NEDD9: variants seen among roughly 807,000 people sequenced by gnomAD.
NEDD9 encodes enhancer of filamentation 1.
A neutral mutation model predicts 76.6 loss-of-function variants in NEDD9; 26 were observed. The observed-to-expected ratio is 0.34, with a 90% CI of 0.25 to 0.47. The LOEUF (loss-of-function observed/expected upper bound fraction) is 0.47, where lower values mean the gene tolerates loss of function less well. Among genes scored for constraint, NEDD9 ranks in the 20% least tolerant of loss-of-function variants. The probability of loss-of-function intolerance (pLI) is 1.00; values close to 1 mark genes in which losing one functional copy is unlikely to be tolerated. For missense variants in NEDD9, 937 were observed against 1,058.5 expected (o/e 0.89, Z 1.59); for synonymous variants, 392 against 414.2 (o/e 0.95, Z 0.65).
intron 3 of NEDD9, among the ~76,000 whole-genome samples, chr6:11,304,161 C>T (rs982249685): frequency 5.3e-5 from 8 of 152,200 alleles, no homozygotes; most frequent in Non-Finnish European, 1.2e-4. Flanking sequence ...TATGAACAGA[C>T]ACTTCTCAAA....
Position 11,327,694 on chromosome 6 carries a change from G to A in NEDD9, c.-153+6807C>T, listed in dbSNP as rs996400918. ...GGCCTGCTGGAAGTCAGAAGCTGCCGTCCATTAATGTGGGTCCAGCAAGAG... is the reference window on the plus strand; with the variant it reads ...GGCCTGCTGGAAGTCAGAAGCTGCCATCCATTAATGTGGGTCCAGCAAGAG... On this transcript the variant is annotated intron_variant, in intron 2 of 3. Transcript: ENST00000397378. Among the ~76,000 whole-genome samples the A allele has an allele frequency of 3.9e-5, 6 of 152,384 alleles. No homozygotes were observed. The South Asian group carries it at 6.2e-4, about 16-fold the overall frequency.
intron 3 of NEDD9, among the ~76,000 whole-genome samples, chr6:11,279,830 C>T (rs1760498143): frequency 6.6e-6 from 1 of 152,190 alleles, no homozygotes; most frequent in Non-Finnish European, 1.5e-5. Context: ...TTATTCCTTC[C>T]CTCCAGTTCT....
At chr6:11,303,106 T>C (rs1293438618) in intron 3 of NEDD9, among the ~76,000 whole-genome samples, 1 of 152,192 alleles carries the variant, frequency 6.6e-6, no homozygotes, top group Non-Finnish European at 1.5e-5. Flanking sequence ...TGATTGTATA[T>C]TTAGAAAACC....
intron 1 of NEDD9, among the ~76,000 whole-genome samples, chr6:11,221,007 G>C (rs1024327365): frequency 6.6e-6 from 1 of 152,152 alleles, no homozygotes; most frequent in African/African-American, 2.4e-5. Context: ...CCTGGCCCAC[G>C]GTGGAAGATG....
intron 1 of NEDD9, among the ~76,000 whole-genome samples, chr6:11,354,668 T>C (rs1308044807): frequency 6.6e-6 from 1 of 152,208 alleles, no homozygotes; most frequent in East Asian, 1.9e-4. Flanking sequence ...GAACCATCTT[T>C]TGACTTTCTT....
intron 1 of NEDD9, among the ~76,000 whole-genome samples, chr6:11,223,237 C>T (rs2113775443): frequency 6.6e-6 from 1 of 152,340 alleles, no homozygotes; most frequent in African/African-American, 2.4e-5. Flanking sequence ...CATTTGAAGA[C>T]TAATGACCAT....
At chr6:11,287,010 G>C (rs180804705) in intron 3 of NEDD9, among the ~76,000 whole-genome samples, 13 of 152,250 alleles carry the variant, frequency 8.5e-5, no homozygotes, top group Admixed American at 2.6e-4. Context: ...ACTTTTCATG[G>C]TTATCTGGTT....
At chr6:11,356,202 C>T (rs1376364504) in intron 1 of NEDD9, among the ~76,000 whole-genome samples, 3 of 152,136 alleles carry the variant, frequency 2.0e-5, no homozygotes, top group Admixed American at 1.3e-4. Flanking sequence ...CTCTAGAATT[C>T]CATGATTTTT....
At chr6:11,280,074 T>C (rs1760504150) in intron 3 of NEDD9, among the ~76,000 whole-genome samples, 1 of 152,194 alleles carries the variant, frequency 6.6e-6, no homozygotes, top group Non-Finnish European at 1.5e-5. Context: ...TTGTGCATTA[T>C]AGGATGTTTT....
intron 1 of NEDD9, among the ~76,000 whole-genome samples, chr6:11,371,435 C>A (rs1320662565): frequency 6.6e-6 from 1 of 152,214 alleles, no homozygotes; most frequent in African/African-American, 2.4e-5. Flanking sequence ...ATTCATCCCT[C>A]CCTCCTTGCA....
intron 2 of NEDD9, among the ~76,000 whole-genome samples, chr6:11,206,082 C>T (rs1270427999): frequency 6.6e-6 from 1 of 152,178 alleles, no homozygotes; most frequent in African/African-American, 2.4e-5. Context: ...GTTTCTAGTT[C>T]TGCATTTTGC....
chr6:11,293,961 C>T (rs1373541667), intron 3 of NEDD9, among the ~76,000 whole-genome samples: 1 of 151,918 alleles, frequency 6.6e-6, no homozygotes, highest in Non-Finnish European at 1.5e-5. Flanking sequence ...TCACAAATGA[C>T]AGGACTTCCT....
At chr6:11,367,444 G>A (rs1359247653) in intron 1 of NEDD9, among the ~76,000 whole-genome samples, 2 of 152,178 alleles carry the variant, frequency 1.3e-5, no homozygotes, top group Non-Finnish European at 2.9e-5. Flanking sequence ...AGTCTTTACT[G>A]TTGGTAAGAA....
At chr6:11,287,671 T>C (rs1256697696) in intron 3 of NEDD9, among the ~76,000 whole-genome samples, 1 of 152,190 alleles carries the variant, frequency 6.6e-6, no homozygotes, top group African/African-American at 2.4e-5. Flanking sequence ...TCCTACTTAA[T>C]GGTCTGTTGT....
intron 3 of NEDD9, among the ~76,000 whole-genome samples, chr6:11,281,335 C>T (rs368886810): frequency 9.2e-5 from 14 of 152,284 alleles, no homozygotes; most frequent in South Asian, 8.3e-4. Flanking sequence ...CCAGGATTGT[C>T]GTAGACATGG....
chr6:11,309,820 G>A (rs1480623068), intron 2 of NEDD9, among the ~76,000 whole-genome samples: 1 of 152,064 alleles, frequency 6.6e-6, no homozygotes, highest in Non-Finnish European at 1.5e-5. Context: ...ATCAGTAGAG[G>A]TATAGAATAG....
At chr6:11,311,472 G>A (rs1761364199) in intron 2 of NEDD9, among the ~76,000 whole-genome samples, 1 of 152,168 alleles carries the variant, frequency 6.6e-6, no homozygotes, top group African/African-American at 2.4e-5. Context: ...TTTAAGCCCT[G>A]CAGTCTGTGG....
At chr6:11,238,580 C>T (rs1581977676) in intron 3 of NEDD9, among the ~76,000 whole-genome samples, 1 of 152,210 alleles carries the variant, frequency 6.6e-6, no homozygotes. Flanking sequence ...TGTAGTTCTT[C>T]TTTCATCACT....
At chr6:11,353,254 T>G (rs1202169052) in intron 1 of NEDD9, among the ~76,000 whole-genome samples, 1 of 152,280 alleles carries the variant, frequency 6.6e-6, no homozygotes, top group African/African-American at 2.4e-5. Flanking sequence ...TCCTTGCACC[T>G]GCGAATGTGA....
Sources: gnomAD v4.1 joint callset for allele counts (sites outside exome capture counted in the v4.1 genomes callset) on GRCh38, gnomAD v4.1.1 for gene constraint, MANE v1.5 for transcripts, NCBI Gene and HGNC (gene_info 2026-07-23, HGNC 2026-07-21) for gene names.